LAPTM4A: variants seen among roughly 807,000 people sequenced by gnomAD.
LAPTM4A encodes lysosomal-associated transmembrane protein 4A.
Under a neutral mutation model 29.9 loss-of-function variants are expected in LAPTM4A, and 19 were observed. The ratio of observed to expected loss-of-function variants is 0.64; its 90% CI spans 0.44 to 0.93. LAPTM4A has a LOEUF of 0.93. Among genes scored for constraint, LAPTM4A ranks in the 40% least tolerant of loss-of-function variants. The probability of loss-of-function intolerance (pLI) is 0.00; values close to 1 mark genes in which losing one functional copy is unlikely to be tolerated. For synonymous variants in LAPTM4A, 105 were observed against 102.1 expected (o/e 1.03, Z -0.17); for missense variants, 293 against 288.5 (o/e 1.02, Z -0.11).
Position 20,033,278 on chromosome 2 carries a change from T to A in LAPTM4A, c.629A>T (p.Tyr210Phe). ...VYPAFEAPPQ[Y>F]VLPTYEMAVK... The stretch of plus-strand genomic sequence containing the variant: ...GGCCATTTCATAGGTTGGCAAAACG[T>A]ACTAAAGAGAGAAAAAAAATTGTAT... Residue 210 changes from tyrosine (Y) to phenylalanine (F), a missense_variant and splice_region_variant, in exon 7 of 7, where the codon TAC becomes TTC. Coordinates refer to ENST00000175091, the MANE Select transcript of LAPTM4A (RefSeq NM_014713.5). 6.2e-7 allele frequency: 1 copy of A among 1,612,952 alleles called. No individual in the cohort carries two copies. The highest frequency in any genetic ancestry group is 2.2e-5 in the East Asian group (1 of 44,870).
intron 1 of LAPTM4A, among the ~76,000 whole-genome samples, chr2:20,044,875 A>G (rs1180374271): frequency 1.3e-5 from 2 of 152,214 alleles, no homozygotes; most frequent in Non-Finnish European, 2.9e-5. Context: ...CTTACATCTT[A>G]AAGTATTACA....
At chr2:20,040,806 G>C in intron 2 of LAPTM4A, 85 bp downstream of exon 2, 7 of 1,237,826 alleles carry the variant, frequency 5.7e-6, no homozygotes, top group Non-Finnish European at 5.8e-6. Flanking sequence ...ACATTTCTCA[G>C]AATGTGTCCC....
At chr2:20,051,218 C>A (rs1329562076) in intron 1 of LAPTM4A, among the ~76,000 whole-genome samples, 192 bp downstream of exon 1, 1 of 152,154 alleles carries the variant, frequency 6.6e-6, no homozygotes, top group East Asian at 1.9e-4. Context: ...CCCCCGCTCC[C>A]CCGACTCCGA....
chr2:20,036,021 G>T (rs1029441957), intron 4 of LAPTM4A, among the ~76,000 whole-genome samples: 4 of 152,036 alleles, frequency 2.6e-5, no homozygotes, highest in Admixed American at 6.5e-5. Context: ...CTGTTTTTTT[G>T]ATCTTCATCT....
intron 4 of LAPTM4A, among the ~76,000 whole-genome samples, chr2:20,035,869 G>A (rs1673666360): frequency 6.6e-6 from 1 of 150,950 alleles, no homozygotes; most frequent in African/African-American, 2.4e-5. Context: ...TAATGGAAAT[G>A]TCAACAAGAA....
At chr2:20,034,442 T>C in intron 5 of LAPTM4A, 27 bp from the exon 6 acceptor site, 1 of 1,477,802 alleles carries the variant, frequency 6.8e-7, no homozygotes, top group Non-Finnish European at 9.5e-7. Context: ...AAAGTTGACA[T>C]CTGCTAGAAA....
At chr2:20,050,038 A>T (rs1443839949) in intron 1 of LAPTM4A, among the ~76,000 whole-genome samples, 2 of 152,218 alleles carry the variant, frequency 1.3e-5, no homozygotes, top group East Asian at 3.8e-4. Context: ...AGAACGAAAG[A>T]GTCTCTGAGG....
chr2:20,039,157 T>G (rs1433469559), intron 2 of LAPTM4A, among the ~76,000 whole-genome samples: 1 of 152,206 alleles, frequency 6.6e-6, no homozygotes, highest in Non-Finnish European at 1.5e-5. Flanking sequence ...CCTCAAGTGA[T>G]TCACCTGCCT....
In LAPTM4A at chr2:20,043,670, G is replaced by A. The variant is rs1042060891; in HGVS notation, c.112-2659C>T. On this transcript the variant is annotated intron_variant, in intron 1 of 6. Transcript: ENST00000175091. The stretch of plus-strand genomic sequence containing the variant: ...GATCAAGTTTTATTTTAGGGTAGGT[G>A]ATCTAAACAATGCCACAATATGAAA... Among the ~76,000 whole-genome samples, 7 of 152,196 alleles carry A rather than the reference G, an allele frequency of 4.6e-5. No homozygotes were observed. In the South Asian group the frequency reaches 6.2e-4, roughly 13 times the overall value.
At chr2:20,038,117 T>C (rs3754905) in intron 2 of LAPTM4A, among the ~76,000 whole-genome samples, 1,878 of 152,300 alleles carry the variant, frequency 0.012, 24 homozygotes, top group East Asian at 0.068. Context: ...AAACTCAGAA[T>C]GCTACATACA....
chr2:20,037,547 T>G lies in LAPTM4A; in HGVS notation c.300A>C (p.Gly100=). The G allele has an allele frequency of 6.2e-7, 1 of 1,609,300 alleles. No homozygotes were observed. The highest frequency in any genetic ancestry group is 8.5e-7 in the Non-Finnish European group (1 of 1,177,984). The part of the protein sequence containing the change: ...MFIISSMLVY[G]AISYQVGWLI... ...AATACAGTATACTTACAGAAATTGCTCCATAAACCAGCATTGAACTGATTA... is the reference window on the plus strand; with the variant it reads ...AATACAGTATACTTACAGAAATTGCGCCATAAACCAGCATTGAACTGATTA... Residue 100 remains glycine (G), a synonymous_variant, in exon 3 of 7, where the codon GGA becomes GGC. Transcript: ENST00000175091.
chr2:20,043,493 G>A (rs1016242860), intron 1 of LAPTM4A, among the ~76,000 whole-genome samples: 10 of 152,304 alleles, frequency 6.6e-5, no homozygotes, highest in South Asian at 2.1e-4. Flanking sequence ...TGGGATTACA[G>A]GTGTGAGCCA....
intron 1 of LAPTM4A, among the ~76,000 whole-genome samples, chr2:20,048,945 A>G (rs551328415): frequency 6.6e-6 from 1 of 152,352 alleles, no homozygotes; most frequent in South Asian, 2.1e-4. Context: ...CTGTCTTTAC[A>G]CTGCTATGGT....
chr2:20,040,053 A>G (rs1402672994), intron 2 of LAPTM4A, among the ~76,000 whole-genome samples: 1 of 151,548 alleles, frequency 6.6e-6, no homozygotes, highest in African/African-American at 2.4e-5. Context: ...TCTCAAAAAA[A>G]AAGAAAGGCA....
chr2:20,037,733 G>C, intron 2 of LAPTM4A, 119 bp from the exon 3 acceptor site: 11 of 467,648 alleles, frequency 2.4e-5, no homozygotes, highest in South Asian at 5.0e-5. Context: ...GCTATAAAAA[G>C]ATCTAAGGCC....
intron 6 of LAPTM4A, among the ~76,000 whole-genome samples, chr2:20,034,007 C>T (rs1234444394): frequency 1.3e-5 from 2 of 152,166 alleles, no homozygotes; most frequent in African/African-American, 4.8e-5. Flanking sequence ...AACTCCCCAT[C>T]CTTAGAAGCC....
At position 20,037,634 on chromosome 2, in the gene LAPTM4A, A is replaced by T; in HGVS notation, c.233-20T>A. ...CATTATCTAAGAAAACAAAAACAAA[A>T]ATCTAATTAAGCTACTTACACAACA... On this transcript the variant is annotated intron_variant, in intron 2 of 6. Transcript: ENST00000175091. 2 of 1,520,562 alleles carry T rather than the reference A, an allele frequency of 1.3e-6. No homozygotes were observed. Among genetic ancestry groups the T allele is most frequent in the Non-Finnish European group, 1.8e-6 (2 of 1,109,134 alleles). The allele number at this position is 1,520,562 out of a possible 1,614,324, so 94.2% of individuals were successfully genotyped here.
At chr2:20,046,808 T>G (rs1297942733) in intron 1 of LAPTM4A, among the ~76,000 whole-genome samples, 1 of 144,470 alleles carries the variant, frequency 6.9e-6, no homozygotes, top group Non-Finnish European at 1.5e-5. Context: ...ATATATTTTT[T>G]TTTGGTAGAG....
intron 1 of LAPTM4A, among the ~76,000 whole-genome samples, chr2:20,044,931 A>G (rs1673879591): frequency 6.6e-6 from 1 of 152,186 alleles, no homozygotes; most frequent in African/African-American, 2.4e-5. Flanking sequence ...TTTTGTAGAG[A>G]TGGAGTCTCA....
Sources: gnomAD v4.1 joint callset for allele counts (sites outside exome capture counted in the v4.1 genomes callset) on GRCh38, gnomAD v4.1.1 for gene constraint, MANE v1.5 for transcripts, NCBI Gene and HGNC (gene_info 2026-07-23, HGNC 2026-07-21) for gene names.